The following AGBL1 variants were observed in gnomAD, a reference collection of about 807,000 sequenced individuals.
AGBL1 encodes the protein cytosolic carboxypeptidase 4.
A neutral mutation model predicts 118.9 loss-of-function variants in AGBL1; 130 were observed. That is an observed-to-expected ratio of 1.09 (90% CI 0.95 to 1.26). AGBL1 has a LOEUF of 1.26. AGBL1 is among the 50% of genes most tolerant of loss of function. The pLI, the probability that AGBL1 is intolerant of heterozygous loss-of-function variation, is 0.00. For synonymous variants in AGBL1, 555 were observed against 478.9 expected, an observed-to-expected ratio of 1.16 and a Z score of -2.08; for missense variants, 1,584 against 1,298.1, an observed-to-expected ratio of 1.22 and a Z score of -3.38.
At chr15:86,509,266 G>A (rs1312263010) in intron 18 of AGBL1, among the ~76,000 whole-genome samples, 1 of 152,078 alleles carries the variant, frequency 6.6e-6, no homozygotes, top group Non-Finnish European at 1.5e-5. Context: ...CTGAAAGACA[G>A]GTAGAATAAG....
At chr15:86,275,923 C>T (rs2079243453) in intron 15 of AGBL1, among the ~76,000 whole-genome samples, 1 of 152,142 alleles carries the variant, frequency 6.6e-6, no homozygotes, top group Non-Finnish European at 1.5e-5. Context: ...TCAGATTCTT[C>T]ATCTTAAAAT....
intron 22 of AGBL1, among the ~76,000 whole-genome samples, chr15:86,835,010 T>C (rs2141423823): frequency 6.6e-6 from 1 of 152,300 alleles, no homozygotes; most frequent in South Asian, 2.1e-4. Flanking sequence ...CTTGCTACCA[T>C]GCAGTGAACA....
intron 22 of AGBL1, among the ~76,000 whole-genome samples, chr15:86,695,242 A>AT (rs1488225028): frequency 5.3e-5 from 8 of 151,580 alleles, no homozygotes; most frequent in African/African-American, 1.9e-4. Context: ...TTTGTTGGTA[A>AT]TTTTTTGTAT....
chr15:86,387,356 G>A (rs1468590785), intron 17 of AGBL1, among the ~76,000 whole-genome samples: 2 of 152,094 alleles, frequency 1.3e-5, no homozygotes, highest in Non-Finnish European at 2.9e-5. Flanking sequence ...GCTGGAGTGG[G>A]GTACACTTTC....
At chr15:86,173,474 T>C (rs1241889851) in intron 5 of AGBL1, among the ~76,000 whole-genome samples, 1 of 152,202 alleles carries the variant, frequency 6.6e-6, no homozygotes, top group African/African-American at 2.4e-5. Context: ...GTTTGTGTTT[T>C]TGTTGCCTGT....
At chr15:86,781,667 G>A (rs142610648) in intron 22 of AGBL1, among the ~76,000 whole-genome samples, 10 of 152,076 alleles carry the variant, frequency 6.6e-5, no homozygotes, top group African/African-American at 1.4e-4. Flanking sequence ...TATCTGAGTC[G>A]TTTCATTGTA....
intron 21 of AGBL1, chr15:86,556,105 G>C: frequency 1.4e-6 from 1 of 703,824 alleles, no homozygotes; most frequent in Non-Finnish European, 2.3e-6. Context: ...ACAGCTTCTA[G>C]TCACGTAAGT....
intron 22 of AGBL1, among the ~76,000 whole-genome samples, chr15:86,852,256 TATA>T (rs1303855996): frequency 2.0e-5 from 3 of 152,028 alleles, no homozygotes; most frequent in African/African-American, 7.3e-5. Context: ...GCCAGACACT[TATA>T]AAACCATCAG....
intron 21 of AGBL1, among the ~76,000 whole-genome samples, chr15:86,568,735 C>T (rs2083956923): frequency 6.6e-6 from 1 of 152,136 alleles, no homozygotes; most frequent in Non-Finnish European, 1.5e-5. Flanking sequence ...AACCAGATCT[C>T]CAGGTGATCC....
At chr15:86,259,745 G>A (rs1404703209) in intron 9 of AGBL1, among the ~76,000 whole-genome samples, 1 of 152,234 alleles carries the variant, frequency 6.6e-6, no homozygotes, top group East Asian at 1.9e-4. Flanking sequence ...TGAATTATTT[G>A]AATAATACTG....
intron 18 of AGBL1, among the ~76,000 whole-genome samples, chr15:86,434,196 G>A (rs954926391): frequency 2.0e-5 from 3 of 152,294 alleles, no homozygotes; most frequent in Middle Eastern, 3.4e-3. Context: ...ATTAATCACC[G>A]TGGTGAAAGC....
At chr15:86,466,333 C>G (rs1288176896) in intron 18 of AGBL1, among the ~76,000 whole-genome samples, 5 of 151,958 alleles carry the variant, frequency 3.3e-5, no homozygotes, top group Non-Finnish European at 7.3e-5. Flanking sequence ...CTGTGTTTTT[C>G]AGCTCCATCA....
intron 22 of AGBL1, among the ~76,000 whole-genome samples, chr15:86,686,984 A>T (rs1441361482): frequency 6.6e-6 from 1 of 152,080 alleles, no homozygotes; most frequent in Non-Finnish European, 1.5e-5. Context: ...CACTACTCCC[A>T]TTTGAACAGT....
At chr15:86,651,786 C>A (rs542616627) in intron 21 of AGBL1, among the ~76,000 whole-genome samples, 4 of 152,276 alleles carry the variant, frequency 2.6e-5, no homozygotes, top group African/African-American at 9.6e-5. Context: ...TAACTCTTAA[C>A]ACTGAGTTCA....
At chr15:86,960,978 G>C (rs1418308991) in intron 23 of AGBL1, among the ~76,000 whole-genome samples, 1 of 152,008 alleles carries the variant, frequency 6.6e-6, no homozygotes, top group Non-Finnish European at 1.5e-5. Flanking sequence ...CAAACTTTCA[G>C]TTATAAGACG....
intron 18 of AGBL1, among the ~76,000 whole-genome samples, chr15:86,410,989 T>C (rs1300225922): frequency 2.8e-5 from 4 of 141,806 alleles, no homozygotes; most frequent in Non-Finnish European, 4.5e-5. Flanking sequence ...ATCCTTTTGA[T>C]TTTAAAATTA....
chr15:86,896,426 T>G (rs2080127876), intron 22 of AGBL1, among the ~76,000 whole-genome samples: 1 of 152,056 alleles, frequency 6.6e-6, no homozygotes, highest in Non-Finnish European at 1.5e-5. Flanking sequence ...GCATGGTAAT[T>G]TTGTATTTGT....
chr15:86,989,620 T>C (rs908950408), intron 24 of AGBL1, among the ~76,000 whole-genome samples: 2 of 152,176 alleles, frequency 1.3e-5, no homozygotes, highest in Admixed American at 6.5e-5. Context: ...GAGAAGTATA[T>C]AGCAATGATT....
At chr15:86,777,373 CT>C (rs2078272543) in intron 22 of AGBL1, among the ~76,000 whole-genome samples, 3 of 151,902 alleles carry the variant, frequency 2.0e-5, no homozygotes, top group Admixed American at 2.0e-4. Context: ...TAAATTCATA[CT>C]CTTTCTCTTG....
Sources: gnomAD v4.1 joint callset for allele counts (sites outside exome capture counted in the v4.1 genomes callset) on GRCh38, gnomAD v4.1.1 for gene constraint, MANE v1.5 for transcripts, NCBI Gene and HGNC (gene_info 2026-07-23, HGNC 2026-07-21) for gene names.